The following CSMD1 variants were observed in gnomAD, a reference collection of about 807,000 sequenced individuals.
CSMD1 encodes CUB and Sushi multiple domains 1.
A neutral mutation model predicts 417.5 loss-of-function variants in CSMD1; 213 were observed. The ratio of observed to expected loss-of-function variants is 0.51; its 90% confidence interval spans 0.46 to 0.57. The LOEUF (loss-of-function observed/expected upper bound fraction) is 0.57, where lower values mean the gene tolerates loss of function less well. Among genes scored for constraint, CSMD1 ranks in the 20% least tolerant of loss-of-function variants. The probability of loss-of-function intolerance (pLI) is 0.00; values close to 1 mark genes in which losing one functional copy is unlikely to be tolerated. For synonymous variants in CSMD1, 2,862 were observed against 1,736.8 expected (o/e 1.65, Z -16.11); for missense variants, 6,923 against 4,529.7 (o/e 1.53, Z -15.17).
chr8:4,459,690 T>C (rs948231728), intron 2 of CSMD1, among the ~76,000 whole-genome samples: 5 of 152,168 alleles, frequency 3.3e-5, no homozygotes, highest in African/African-American at 1.2e-4. Flanking sequence ...GACATAAGAA[T>C]ATGGAGCCCA....
chr8:4,744,944 GTTC>G (rs967265199), intron 1 of CSMD1, among the ~76,000 whole-genome samples: 2 of 152,074 alleles, frequency 1.3e-5, no homozygotes, highest in Non-Finnish European at 2.9e-5. Context: ...TTAAAAAATA[GTTC>G]TTCAACTATT....
At chr8:3,563,359 G>T (rs556086310) in intron 10 of CSMD1, among the ~76,000 whole-genome samples, 41 of 138,692 alleles carry the variant, frequency 3.0e-4, no homozygotes, top group African/African-American at 1.0e-3. Context: ...CATTACTATT[G>T]TATTTAAGTA....
intron 23 of CSMD1, among the ~76,000 whole-genome samples, chr8:3,318,199 A>G (rs1805906290): frequency 6.6e-6 from 1 of 152,212 alleles, no homozygotes; most frequent in African/African-American, 2.4e-5. Context: ...ATTTTTATTT[A>G]TGAAATATCT....
intron 1 of CSMD1, among the ~76,000 whole-genome samples, chr8:4,876,359 G>GA (rs1803043572): frequency 6.6e-6 from 1 of 152,108 alleles, no homozygotes; most frequent in South Asian, 2.1e-4. Flanking sequence ...AAACAATTGT[G>GA]AAAAAATGCA....
chr8:3,519,771 G>T (rs1417202552), intron 10 of CSMD1, among the ~76,000 whole-genome samples: 1 of 152,034 alleles, frequency 6.6e-6, no homozygotes, highest in Admixed American at 6.6e-5. Flanking sequence ...TGGCTGTATG[G>T]AACACTTGCA....
intron 10 of CSMD1, among the ~76,000 whole-genome samples, chr8:3,512,509 G>A (rs898698215): frequency 2.0e-5 from 3 of 151,958 alleles, no homozygotes; most frequent in Admixed American, 2.0e-4. Context: ...CCACATGAAC[G>A]GCTGGGCTGG....
At chr8:4,810,872 G>C (rs770143854) in intron 1 of CSMD1, among the ~76,000 whole-genome samples, 1 of 152,172 alleles carries the variant, frequency 6.6e-6, no homozygotes, top group Non-Finnish European at 1.5e-5. Context: ...TAAGAAAACT[G>C]TAACAGCCTT....
Position 2,998,235 on chromosome 8 carries a change from T to C in CSMD1, c.8204-51A>G, listed in dbSNP as rs1563220190. 13 of 1,569,118 alleles carry C rather than the reference T, an allele frequency of 8.3e-6. No homozygotes were observed. In the East Asian group the frequency reaches 2.5e-4, roughly 30 times the overall value. On this transcript the variant is annotated intron_variant, in intron 53 of 69. Coordinates refer to ENST00000635120, the MANE Select transcript of CSMD1 (RefSeq NM_033225.6). ...TGTTAAATATTGAACAGGTCATCAC[T>C]TTCCCTTGGGATTATTAATAAGAAA...
At chr8:4,031,540 C>G (rs141976463) in intron 4 of CSMD1, among the ~76,000 whole-genome samples, 1,848 of 152,300 alleles carry the variant, frequency 0.012, 10 homozygotes, top group Middle Eastern at 0.02. Context: ...ATTGTGGGAA[C>G]TACCGTTCAA....
intron 3 of CSMD1, among the ~76,000 whole-genome samples, chr8:4,129,977 C>G (rs1012606943): frequency 3.9e-5 from 6 of 152,004 alleles, no homozygotes; most frequent in Non-Finnish European, 5.9e-5. Context: ...TTCCCAGTTG[C>G]TTTACCCTAT....
chr8:3,450,464 C>T (rs1417793816), intron 12 of CSMD1, among the ~76,000 whole-genome samples: 3 of 151,386 alleles, frequency 2.0e-5, no homozygotes, highest in Non-Finnish European at 4.4e-5. Context: ...CTCCCCCCTC[C>T]CCACACCCCA....
At chr8:4,819,353 T>C (rs1489270926) in intron 1 of CSMD1, among the ~76,000 whole-genome samples, 4 of 152,196 alleles carry the variant, frequency 2.6e-5, no homozygotes, top group African/African-American at 9.6e-5. Context: ...TATGTGTCCA[T>C]TTACTTGACA....
intron 1 of CSMD1, among the ~76,000 whole-genome samples, chr8:4,692,871 A>G (rs1806860867): frequency 6.6e-6 from 1 of 152,000 alleles, no homozygotes; most frequent in Admixed American, 6.6e-5. Context: ...GCTAGACAAG[A>G]CTCTATGGTA....
intron 5 of CSMD1, among the ~76,000 whole-genome samples, chr8:3,835,736 G>T (rs1409054957): frequency 7.8e-6 from 1 of 128,744 alleles, no homozygotes; most frequent in Non-Finnish European, 1.7e-5. Flanking sequence ...AAAAAAAAAA[G>T]AAATTTGGAT....
intron 59 of CSMD1, among the ~76,000 whole-genome samples, chr8:2,965,423 C>A (rs1803868289): frequency 1.3e-5 from 2 of 152,148 alleles, no homozygotes; most frequent in South Asian, 4.1e-4. Flanking sequence ...ATTAGATTCA[C>A]CATGCCACGA....
At chr8:4,605,911 T>C (rs1692622566) in intron 2 of CSMD1, among the ~76,000 whole-genome samples, 1 of 152,074 alleles carries the variant, frequency 6.6e-6, no homozygotes, top group Non-Finnish European at 1.5e-5. Context: ...CCGAGATCAA[T>C]GCTGGGAGAT....
At chr8:4,532,645 C>G (rs1370651023) in intron 2 of CSMD1, among the ~76,000 whole-genome samples, 1 of 148,318 alleles carries the variant, frequency 6.7e-6, no homozygotes, top group Non-Finnish European at 1.5e-5. Context: ...AGAAATCCTG[C>G]ACCCCCATTC....
At chr8:4,465,395 C>G (rs1399299654) in intron 2 of CSMD1, among the ~76,000 whole-genome samples, 1 of 152,140 alleles carries the variant, frequency 6.6e-6, no homozygotes, top group Non-Finnish European at 1.5e-5. Context: ...GTTTGAAAGT[C>G]TATTTCATCA....
chr8:4,017,631 G>A (rs1346613336), intron 4 of CSMD1, among the ~76,000 whole-genome samples: 3 of 152,044 alleles, frequency 2.0e-5, no homozygotes, highest in East Asian at 1.9e-4. Flanking sequence ...ACTCTAAATT[G>A]TGTAGAAAAT....
Sources: allele counts gnomAD v4.1 joint callset (sites outside exome capture counted in the v4.1 genomes callset), GRCh38; gene constraint gnomAD v4.1.1; transcripts MANE v1.5; gene names NCBI Gene and HGNC (gene_info 2026-07-23, HGNC 2026-07-21).